The following MYLK variants were observed in gnomAD, a reference collection of about 807,000 sequenced individuals.
MYLK encodes myosin light chain kinase, smooth muscle.
Under a neutral mutation model 203.4 loss-of-function variants are expected in MYLK, and 106 were observed. The observed-to-expected ratio is 0.52, with a 90% CI of 0.45 to 0.61. The LOEUF (loss-of-function observed/expected upper bound fraction) is 0.61, where lower values mean the gene tolerates loss of function less well. Ranked by LOEUF, MYLK falls within the 20% of genes least tolerant of loss-of-function variation. The pLI, the probability that MYLK is intolerant of heterozygous loss-of-function variation, is 0.00. For synonymous variants in MYLK, 867 were observed against 959.5 expected, an observed-to-expected ratio of 0.90 and a Z score of 1.78; for missense variants, 2,072 against 2,442.3, an observed-to-expected ratio of 0.85 and a Z score of 3.20.
intron 22 of MYLK, among the ~76,000 whole-genome samples, chr3:123,665,895 C>A (rs2059718177): frequency 6.6e-6 from 1 of 152,212 alleles, no homozygotes; most frequent in Non-Finnish European, 1.5e-5. Context: ...TCTTGGGTCA[C>A]AGGCTCGACT....
At chr3:123,777,682 C>T (rs80166515) in intron 4 of MYLK, among the ~76,000 whole-genome samples, 2,176 of 152,266 alleles carry the variant, frequency 0.014, 30 homozygotes, top group Non-Finnish European at 0.022. Flanking sequence ...GTGGAGCAGA[C>T]GATAGTGGTG....
At chr3:123,808,196 C>T (rs546387292) in intron 3 of MYLK, among the ~76,000 whole-genome samples, 4 of 152,322 alleles carry the variant, frequency 2.6e-5, no homozygotes, top group African/African-American at 7.2e-5. Context: ...TTCCACACAG[C>T]CCTGTCCATT....
chr3:123,858,526 ACTCTT>A (rs1295703575), intron 2 of MYLK, among the ~76,000 whole-genome samples: 1 of 151,836 alleles, frequency 6.6e-6, no homozygotes, highest in Non-Finnish European at 1.5e-5. Context: ...GCTGGTGGGG[ACTCTT>A]AAGATTCCTG....
At chr3:123,834,749 G>A (rs1020043251) in intron 2 of MYLK, among the ~76,000 whole-genome samples, 3 of 152,138 alleles carry the variant, frequency 2.0e-5, no homozygotes, top group African/African-American at 7.2e-5. Context: ...CACTGGAAGG[G>A]AAATGAGTAA....
intron 24 of MYLK, 117 bp from the exon 25 acceptor site, chr3:123,649,311 C>T (rs567293775): frequency 2.2e-6 from 3 of 1,343,310 alleles, no homozygotes; most frequent in South Asian, 1.2e-5. Flanking sequence ...CAGACGACTA[C>T]CAGGTCCAGA....
At chr3:123,713,264 C>T (rs1347388751) in intron 13 of MYLK, among the ~76,000 whole-genome samples, 1 of 152,130 alleles carries the variant, frequency 6.6e-6, no homozygotes, top group Non-Finnish European at 1.5e-5. Context: ...CTCAGACCGG[C>T]AAGGTGGGAC....
chr3:123,659,850 T>C (rs1326517812), intron 23 of MYLK, among the ~76,000 whole-genome samples: 3 of 152,178 alleles, frequency 2.0e-5, no homozygotes, highest in African/African-American at 7.2e-5. Context: ...ACTAACAGAA[T>C]AGGAAACTCA....
intron 2 of MYLK, among the ~76,000 whole-genome samples, chr3:123,869,282 C>G (rs1044761475): frequency 6.6e-6 from 1 of 152,118 alleles, no homozygotes; most frequent in African/African-American, 2.4e-5. Flanking sequence ...CCTCACTCCT[C>G]CCACACTGGG....
intron 33 of MYLK, chr3:123,616,523 A>G (rs1014617542): frequency 3.9e-5 from 6 of 152,150 alleles, no homozygotes; most frequent in Admixed American, 3.9e-4. Flanking sequence ...TTTCTCTTAA[A>G]TGTTGGTGAA....
intron 2 of MYLK, among the ~76,000 whole-genome samples, chr3:123,848,902 T>C (rs1339037884): frequency 2.0e-5 from 3 of 152,214 alleles, no homozygotes; most frequent in African/African-American, 7.2e-5. Context: ...AAAGCCATGG[T>C]CATTTAGATT....
chr3:123,618,504 GT>G (rs1189128847), intron 33 of MYLK, 134 bp downstream of exon 33: 1 of 1,247,116 alleles, frequency 8.0e-7, no homozygotes, highest in African/African-American at 1.5e-5. Context: ...TGCTGACCCA[GT>G]TTCCCCCAAA....
At chr3:123,812,967 G>C (rs2065612311) in intron 3 of MYLK, among the ~76,000 whole-genome samples, 2 of 152,170 alleles carry the variant, frequency 1.3e-5, no homozygotes, top group African/African-American at 2.4e-5. Flanking sequence ...ACCTAGGCTT[G>C]GCTCCCAGGC....
Position 123,739,965 on chromosome 3 carries a change from G to C in MYLK, c.410C>G (p.Ser137Cys). 1 of 1,613,928 alleles carries C rather than the reference G, an allele frequency of 6.2e-7. No homozygotes were observed. The highest frequency in any genetic ancestry group is 1.3e-5 in the African/African-American group (1 of 75,052). The change falls in exon 6 of 34, where the codon TCC (serine) becomes TGC (cysteine). Residue 137 changes from serine to cysteine, a missense_variant. Ser to Cys is a moderately radical substitution (Grantham distance 112, BLOSUM62 -1). Coordinates refer to ENST00000360304, the MANE Select transcript of MYLK (RefSeq NM_053025.4). ...FAKQLGQPVV[S>C]KTLGDRFSAP... ...ATCCAGGACTTACCCTAAGGTTTTGGAAACAACAGGCTGACCAAGCTGCTT... is the reference window on the plus strand; with the variant it reads ...ATCCAGGACTTACCCTAAGGTTTTGCAAACAACAGGCTGACCAAGCTGCTT...
intron 11 of MYLK, among the ~76,000 whole-genome samples, chr3:123,728,516 A>G (rs2062370725): frequency 6.6e-6 from 1 of 152,032 alleles, no homozygotes; most frequent in Non-Finnish European, 1.5e-5. Flanking sequence ...CTAAAAAGTA[A>G]AAACAATAAA....
chr3:123,840,370 TTATA>T (rs56361020), intron 2 of MYLK, among the ~76,000 whole-genome samples: 1 of 148,628 alleles, frequency 6.7e-6, no homozygotes, highest in African/African-American at 2.5e-5. Context: ...CCTACAGACA[TTATA>T]TATATATATA....
intron 24 of MYLK, among the ~76,000 whole-genome samples, chr3:123,652,447 T>C (rs2059246960): frequency 6.6e-6 from 1 of 152,188 alleles, no homozygotes; most frequent in African/African-American, 2.4e-5. Context: ...CTCAGGACCC[T>C]CACATGGCAC....
At chr3:123,720,155 C>T (rs2062036699) in intron 13 of MYLK, among the ~76,000 whole-genome samples, 1 of 152,204 alleles carries the variant, frequency 6.6e-6, no homozygotes, top group Non-Finnish European at 1.5e-5. Context: ...CCGAGCAAAT[C>T]CAAACTTCCT....
At chr3:123,732,072 T>A (rs2062499991) in intron 11 of MYLK, among the ~76,000 whole-genome samples, 1 of 151,878 alleles carries the variant, frequency 6.6e-6, no homozygotes. Context: ...TCCAGCAGCC[T>A]GCAATTTGCA....
intron 19 of MYLK, chr3:123,692,413 C>T: frequency 2.5e-6 from 3 of 1,211,338 alleles, no homozygotes; most frequent in Non-Finnish European, 3.1e-6. Flanking sequence ...AGTCATTTTC[C>T]TGTGGGTGTG....
Sources: gnomAD v4.1 joint callset for allele counts (sites outside exome capture counted in the v4.1 genomes callset) on GRCh38, gnomAD v4.1.1 for gene constraint, MANE v1.5 for transcripts, NCBI Gene and HGNC (gene_info 2026-07-23, HGNC 2026-07-21) for gene names.